The following ITGA4 variants were observed in gnomAD, a reference collection of about 807,000 sequenced individuals.
ITGA4 encodes the protein integrin subunit alpha 4, also known as integrin alpha-4.
ITGA4 carries 63 observed loss-of-function variants against 133.6 expected under a neutral mutation model. The ratio of observed to expected loss-of-function variants is 0.47; its 90% CI spans 0.38 to 0.58. The LOEUF (loss-of-function observed/expected upper bound fraction) is 0.58. ITGA4 is among the 20% of genes least tolerant of loss of function. The pLI, the probability that ITGA4 is intolerant of heterozygous loss-of-function variation, is 0.00. For synonymous variants in ITGA4, 483 were observed against 438.0 expected, an observed-to-expected ratio of 1.10 and a Z score of -1.28; for missense variants, 1,076 against 1,252.7, an observed-to-expected ratio of 0.86 and a Z score of 2.13.
chr2:181,521,874 G>A (rs1012935739), intron 17 of ITGA4, among the ~76,000 whole-genome samples: 4 of 152,206 alleles, frequency 2.6e-5, no homozygotes, highest in African/African-American at 4.8e-5. Context: ...AAAATGTTAC[G>A]AAATAATCAG....
chr2:181,489,541 TC>T (rs66502603), intron 10 of ITGA4, among the ~76,000 whole-genome samples: 123,770 of 151,996 alleles, frequency 0.81, 51,061 homozygotes, highest in Middle Eastern at 0.96. Context: ...AGACTATATG[TC>T]TGAATATTTT....
intron 10 of ITGA4, 107 bp downstream of exon 10, chr2:181,486,099 C>T: frequency 2.1e-6 from 3 of 1,402,942 alleles, no homozygotes; most frequent in Admixed American, 5.8e-5. Flanking sequence ...GAAGATGGAG[C>T]CAGAATGGCA....
chr2:181,482,460 T>A, intron 8 of ITGA4, 38 bp downstream of exon 8: 2 of 1,613,548 alleles, frequency 1.2e-6, no homozygotes, highest in Non-Finnish European at 8.5e-7. Context: ...TGTGGGCTTT[T>A]GCGAGTAACC....
chr2:181,464,013 C>T (rs1205269012), intron 2 of ITGA4, among the ~76,000 whole-genome samples: 1 of 151,994 alleles, frequency 6.6e-6, no homozygotes, highest in Non-Finnish European at 1.5e-5. Context: ...GTCTATAGGG[C>T]ACCAGTAGTT....
At chr2:181,527,802 A>C (rs902409481) in intron 22 of ITGA4, among the ~76,000 whole-genome samples, 1 of 152,072 alleles carries the variant, frequency 6.6e-6, no homozygotes, top group Non-Finnish European at 1.5e-5. Context: ...GGAGGCTCTT[A>C]CCTCCCATCT....
chr2:181,518,046 A>G (rs1018327195), intron 17 of ITGA4, among the ~76,000 whole-genome samples: 4 of 151,616 alleles, frequency 2.6e-5, no homozygotes, highest in South Asian at 2.1e-4. Flanking sequence ...ATGATTATAG[A>G]GTTTGGGGTG....
intron 4 of ITGA4, among the ~76,000 whole-genome samples, chr2:181,476,889 T>C (rs1034389835): frequency 1.3e-5 from 2 of 152,152 alleles, no homozygotes; most frequent in African/African-American, 4.8e-5. Flanking sequence ...ATACCACATG[T>C]TCTCACTTAT....
At chr2:181,471,307 G>T (rs952838913) in intron 2 of ITGA4, among the ~76,000 whole-genome samples, 1 of 151,030 alleles carries the variant, frequency 6.6e-6, no homozygotes, top group Non-Finnish European at 1.5e-5. Context: ...GCTGTTTGTC[G>T]GGGGTGGGAT....
Position 181,538,200 on chromosome 2 carries a change from T to TCTTCCATGCTTCCTCCATA in ITGA4, c.*2674_*2692dup, listed in dbSNP as rs1335923722. On this transcript the variant is annotated 3_prime_UTR_variant, in exon 28 of 28. Transcript: ENST00000397033. Reference sequence around the variant, plus strand: ...AATTACATGTTACTTTGGAATCATTTCTTCCATGCTTCCTCCATAAAGACT... The same window carrying TCTTCCATGCTTCCTCCATA: ...AATTACATGTTACTTTGGAATCATTTCTTCCATGCTTCCTCCATACTTCCATGCTTCCTCCATAAAGACT... The TCTTCCATGCTTCCTCCATA allele has an allele frequency of 6.3e-7, 1 of 1,582,368 alleles. No individual in the cohort carries two copies. Among genetic ancestry groups the TCTTCCATGCTTCCTCCATA allele is most frequent in the Admixed American group, 1.7e-5 (1 of 59,902 alleles).
intron 4 of ITGA4, 50 bp from the exon 5 acceptor site, chr2:181,478,707 G>T: frequency 1.3e-6 from 1 of 787,126 alleles, no homozygotes; most frequent in East Asian, 2.9e-5. Flanking sequence ...AAATTATGGA[G>T]ATTTTATCTT....
Position 181,457,598 on chromosome 2 carries a change from C to T in ITGA4, c.-57C>T, listed in dbSNP as rs1685154816. The T allele has an allele frequency of 2.0e-6, 3 of 1,515,284 alleles. No homozygotes were observed. The highest frequency in any genetic ancestry group is 2.4e-5 in the South Asian group (2 of 83,358). 93.9% of individuals were successfully genotyped at this position (1,515,284 alleles called of 1,614,324 possible). A position where few individuals can be genotyped will look rare whatever the true frequency, so the allele number is the denominator to read the frequency against. ...CTTCCCCGTTGGCCAACCGTCGCAT[C>T]CCGTGCAACTTTGGGGTAGTGGCCG... is the stretch of plus-strand genomic sequence containing the variant. On this transcript the variant is annotated 5_prime_UTR_variant, in exon 1 of 28. Coordinates refer to ENST00000397033, the MANE Select transcript of ITGA4 (RefSeq NM_000885.6).
At chr2:181,465,200 T>C (rs919184317) in intron 2 of ITGA4, among the ~76,000 whole-genome samples, 1 of 152,102 alleles carries the variant, frequency 6.6e-6, no homozygotes, top group Non-Finnish European at 1.5e-5. Context: ...CTAGAAGTCA[T>C]TAGACTACAA....
At chr2:181,465,761 T>C (rs1685396092) in intron 2 of ITGA4, among the ~76,000 whole-genome samples, 1 of 152,270 alleles carries the variant, frequency 6.6e-6, no homozygotes, top group East Asian at 1.9e-4. Context: ...TAACAACTAA[T>C]TGTCTGGCAG....
At chr2:181,506,778 ATAATC>A (rs1178074061) in intron 15 of ITGA4, among the ~76,000 whole-genome samples, 1 of 152,104 alleles carries the variant, frequency 6.6e-6, no homozygotes, top group Non-Finnish European at 1.5e-5. Flanking sequence ...AGCTTTGAAA[ATAATC>A]TATTCCTTAT....
At chr2:181,501,917 G>C (rs1686281356) in intron 15 of ITGA4, among the ~76,000 whole-genome samples, 1 of 152,044 alleles carries the variant, frequency 6.6e-6, no homozygotes, top group Non-Finnish European at 1.5e-5. Flanking sequence ...ATATATCTTT[G>C]GCATATGGAT....
chr2:181,530,283 G>A (rs1686918531), intron 23 of ITGA4, among the ~76,000 whole-genome samples: 1 of 152,208 alleles, frequency 6.6e-6, no homozygotes, highest in Non-Finnish European at 1.5e-5. Flanking sequence ...ATTTCTGCAA[G>A]GTTAAGGCCA....
chr2:181,502,487 A>G (rs1464914388), intron 15 of ITGA4, among the ~76,000 whole-genome samples: 1 of 152,120 alleles, frequency 6.6e-6, no homozygotes, highest in African/African-American at 2.4e-5. Context: ...GAAGGCAAAA[A>G]GGGAAGGATT....
chr2:181,475,869 G>A (rs1430385576), intron 4 of ITGA4: 2 of 1,599,420 alleles, frequency 1.3e-6, no homozygotes, highest in Non-Finnish European at 1.7e-6. Flanking sequence ...GAGCAGAATT[G>A]GGGTGAATGT....
At chr2:181,471,143 C>A (rs1685540229) in intron 2 of ITGA4, among the ~76,000 whole-genome samples, 1 of 152,156 alleles carries the variant, frequency 6.6e-6, no homozygotes, top group Admixed American at 6.5e-5. Context: ...ATGACTATTT[C>A]CATGAACTTT....
Sources: gnomAD v4.1 joint callset for allele counts (sites outside exome capture counted in the v4.1 genomes callset) on GRCh38, gnomAD v4.1.1 for gene constraint, MANE v1.5 for transcripts, NCBI Gene and HGNC (gene_info 2026-07-23, HGNC 2026-07-21) for gene names.